Variants in FHIT observed in about 807,000 individuals in gnomAD.
The protein encoded by FHIT is fragile histidine triad diadenosine triphosphatase, also known as bis(5'-adenosyl)-triphosphatase.
In FHIT, 19 loss-of-function variants were observed where a neutral mutation model predicts 17.9. The ratio of observed to expected loss-of-function variants is 1.06; its 90% CI spans 0.74 to 1.56. The LOEUF (loss-of-function observed/expected upper bound fraction) is 1.56, where lower values mean the gene tolerates loss of function less well. Among genes scored for constraint, FHIT ranks in the 40% most tolerant of loss-of-function variants. The pLI is 0.00. For synonymous variants in FHIT, 81 were observed against 69.7 expected (o/e 1.16, Z -0.81); for missense variants, 248 against 189.2 (o/e 1.31, Z -1.82).
intron 8 of FHIT, among the ~76,000 whole-genome samples, chr3:59,885,219 G>A (rs1046435847): frequency 6.6e-6 from 1 of 152,174 alleles, no homozygotes; most frequent in African/African-American, 2.4e-5. Flanking sequence ...GAAACAGGAT[G>A]AGCATTGGGC....
chr3:59,970,333 A>C (rs964946903), intron 7 of FHIT, among the ~76,000 whole-genome samples: 1 of 152,130 alleles, frequency 6.6e-6, no homozygotes, highest in African/African-American at 2.4e-5. Flanking sequence ...TTCCTAATGA[A>C]GCATAATGAA....
intron 5 of FHIT, among the ~76,000 whole-genome samples, chr3:60,509,532 T>C (rs775777554): frequency 1.4e-4 from 22 of 152,156 alleles, no homozygotes; most frequent in Non-Finnish European, 2.5e-4. Context: ...ACATCTCAAA[T>C]GGAATTTGTA....
intron 5 of FHIT, among the ~76,000 whole-genome samples, chr3:60,344,502 T>G (rs1048797234): frequency 6.6e-6 from 1 of 152,202 alleles, no homozygotes; most frequent in Non-Finnish European, 1.5e-5. Flanking sequence ...ACACATTCCA[T>G]GAGCCCATAT....
At chr3:59,911,983 C>T (rs574405728) in intron 8 of FHIT, among the ~76,000 whole-genome samples, 1 of 152,160 alleles carries the variant, frequency 6.6e-6, no homozygotes, top group Non-Finnish European at 1.5e-5. Context: ...GAGAAAAGAA[C>T]CCAGACTCTG....
chr3:59,934,997 A>C (rs1407771398), intron 7 of FHIT, among the ~76,000 whole-genome samples: 1 of 152,134 alleles, frequency 6.6e-6, no homozygotes, highest in Non-Finnish European at 1.5e-5. Context: ...ACAGCTATAA[A>C]ACCAGGATAA....
intron 4 of FHIT, among the ~76,000 whole-genome samples, chr3:60,798,432 AT>A (rs1412339298): frequency 6.6e-6 from 1 of 152,266 alleles, no homozygotes; most frequent in African/African-American, 2.4e-5. Context: ...CCCATTTTCA[AT>A]CACGTAAAAA....
chr3:60,215,035 G>A (rs1479193642), intron 5 of FHIT, among the ~76,000 whole-genome samples: 2 of 151,772 alleles, frequency 1.3e-5, no homozygotes, highest in African/African-American at 2.4e-5. Flanking sequence ...GATGAGGAGG[G>A]GCACATGGAT....
chr3:60,869,384 C>G (rs559237964), intron 3 of FHIT, among the ~76,000 whole-genome samples: 1 of 152,232 alleles, frequency 6.6e-6, no homozygotes, highest in East Asian at 1.9e-4. Context: ...CAGTTCCCCC[C>G]AGTGCCGGGA....
chr3:60,656,123 T>C (rs782800590), intron 4 of FHIT, among the ~76,000 whole-genome samples: 37 of 152,170 alleles, frequency 2.4e-4, no homozygotes, highest in Non-Finnish European at 4.7e-4. Flanking sequence ...TTGCACTGCA[T>C]CTTAGCAGAG....
intron 3 of FHIT, among the ~76,000 whole-genome samples, chr3:60,832,212 A>G (rs951427227): frequency 4.6e-5 from 7 of 152,036 alleles, no homozygotes; most frequent in Non-Finnish European, 1.0e-4. Context: ...ATCTAATTGT[A>G]TAAGAATACA....
intron 5 of FHIT, among the ~76,000 whole-genome samples, chr3:60,434,724 A>C (rs2030056608): frequency 2.0e-5 from 3 of 152,252 alleles, no homozygotes; most frequent in African/African-American, 7.2e-5. Context: ...ATATCAGAAT[A>C]ATTTCTCTTC....
At chr3:60,349,420 C>T (rs1011875589) in intron 5 of FHIT, among the ~76,000 whole-genome samples, 32 of 151,986 alleles carry the variant, frequency 2.1e-4, no homozygotes, top group South Asian at 2.1e-4. Context: ...ACCACGTGGA[C>T]GAATATAAAC....
chr3:59,789,053 C>T (rs1699440241), intron 8 of FHIT, among the ~76,000 whole-genome samples: 1 of 152,028 alleles, frequency 6.6e-6, no homozygotes, highest in South Asian at 2.1e-4. Flanking sequence ...ACCTTTGCTA[C>T]TTAAAAAATT....
intron 4 of FHIT, among the ~76,000 whole-genome samples, chr3:60,550,255 T>G (rs892232101): frequency 2.0e-5 from 3 of 152,174 alleles, no homozygotes; most frequent in Non-Finnish European, 4.4e-5. Flanking sequence ...TATATTGAAG[T>G]TTATATGATT....
intron 3 of FHIT, among the ~76,000 whole-genome samples, chr3:60,905,508 T>G (rs1706360321): frequency 6.6e-6 from 1 of 152,104 alleles, no homozygotes; most frequent in Admixed American, 6.6e-5. Context: ...TTCAACTGTA[T>G]GAAAAAACGT....
intron 2 of FHIT, among the ~76,000 whole-genome samples, chr3:61,168,912 T>C (rs2037917430): frequency 1.3e-5 from 2 of 148,398 alleles, no homozygotes; most frequent in African/African-American, 2.5e-5. Flanking sequence ...TGTTATAAAA[T>C]GTCCCTAGTT....
At chr3:59,808,852 C>G (rs1033709392) in intron 8 of FHIT, among the ~76,000 whole-genome samples, 39 of 152,254 alleles carry the variant, frequency 2.6e-4, no homozygotes, top group Middle Eastern at 3.4e-3. Flanking sequence ...ATACTTCACA[C>G]AACACACACT....
chr3:59,951,481 T>C (rs574101500), intron 7 of FHIT, among the ~76,000 whole-genome samples: 263 of 152,294 alleles, frequency 1.7e-3, no homozygotes, highest in South Asian at 7.7e-3. Context: ...TAATTGTCTT[T>C]TACCCAGACA....
intron 2 of FHIT, among the ~76,000 whole-genome samples, chr3:61,085,762 T>C (rs2035286683): frequency 6.6e-6 from 1 of 152,190 alleles, no homozygotes; most frequent in South Asian, 2.1e-4. Context: ...TTAAAGCTTA[T>C]ATTTTGGTCT....
Sources: gnomAD v4.1 joint callset for allele counts (sites outside exome capture counted in the v4.1 genomes callset) on GRCh38, gnomAD v4.1.1 for gene constraint, MANE v1.5 for transcripts, NCBI Gene and HGNC (gene_info 2026-07-23, HGNC 2026-07-21) for gene names.